Variants in PSTPIP1 observed in about 807,000 individuals in gnomAD.
PSTPIP1 encodes the protein proline-serine-threonine phosphatase-interacting protein 1.
In PSTPIP1, 66 loss-of-function variants were observed where a neutral mutation model predicts 69.6. The observed-to-expected ratio is 0.95, with a 90% CI of 0.78 to 1.16. The LOEUF is 1.16. Among genes scored for constraint, PSTPIP1 ranks in the 50% most tolerant of loss-of-function variants. The probability of loss-of-function intolerance (pLI) is 0.00; values close to 1 mark genes in which losing one functional copy is unlikely to be tolerated. For synonymous variants in PSTPIP1, 266 were observed against 222.7 expected (o/e 1.19, Z -1.73); for missense variants, 603 against 557.4 (o/e 1.08, Z -0.82).
Position 76,995,280 on chromosome 15 carries a change from AG to A in PSTPIP1, c.-291del. On this transcript the variant is annotated 5_prime_UTR_variant, in exon 1 of 15. Coordinates refer to ENST00000558012, the MANE Select transcript of PSTPIP1 (RefSeq NM_003978.5). Reference sequence around the variant, plus strand: ...CCCAGACTGTGTCCTCCATCACCGCAGGGTCGGTGAGGGGCTGGGCTGGACA... The same window carrying A: ...CCCAGACTGTGTCCTCCATCACCGCAGGTCGGTGAGGGGCTGGGCTGGACA... 1 of 1,327,750 alleles carries A rather than the reference AG, an allele frequency of 7.5e-7. No homozygotes were observed. The highest frequency in any genetic ancestry group is 1.6e-5 in the South Asian group (1 of 62,358). The allele number at this position is 1,327,750 out of a possible 1,614,324, so 82.2% of individuals were successfully genotyped here.
chr15:77,010,218 A>G (rs1268085027), intron 1 of PSTPIP1, among the ~76,000 whole-genome samples: 1 of 152,164 alleles, frequency 6.6e-6, no homozygotes, highest in Non-Finnish European at 1.5e-5. Context: ...GGCGGTACAG[A>G]GCTGTGTAAC....
At chr15:76,999,665 C>T (rs1051724282) in intron 1 of PSTPIP1, 1 of 152,220 alleles carries the variant, frequency 6.6e-6, no homozygotes, top group Non-Finnish European at 1.5e-5. Flanking sequence ...TGAGCTTCTT[C>T]ACCCTGCAAC....
At chr15:77,035,617 A>T (rs1173671266) in intron 13 of PSTPIP1, 54 bp downstream of exon 13, 11 of 1,531,690 alleles carry the variant, frequency 7.2e-6, no homozygotes, top group Non-Finnish European at 7.9e-6. Context: ...GGGGGAGGAG[A>T]GGTCTCCCAC....
chr15:77,017,537 G>A (rs1289250117), intron 1 of PSTPIP1, among the ~76,000 whole-genome samples: 1 of 152,276 alleles, frequency 6.6e-6, no homozygotes, highest in African/African-American at 2.4e-5. Flanking sequence ...GTGAGGGGGG[G>A]TTTCCTGAGC....
chr15:77,033,110 G>A (rs2076463041), intron 12 of PSTPIP1, among the ~76,000 whole-genome samples, 158 bp downstream of exon 12: 1 of 152,204 alleles, frequency 6.6e-6, no homozygotes, highest in African/African-American at 2.4e-5. Flanking sequence ...AGACAAGATA[G>A]GCTCAGTTCA....
At chr15:76,997,574 G>GAT (rs766458487) in intron 1 of PSTPIP1, among the ~76,000 whole-genome samples, 2 of 152,254 alleles carry the variant, frequency 1.3e-5, no homozygotes, top group Non-Finnish European at 2.9e-5. Flanking sequence ...GAGGCACGGA[G>GAT]ATATTAAGAG....
At chr15:76,998,833 T>C (rs2075636866) in intron 1 of PSTPIP1, among the ~76,000 whole-genome samples, 1 of 152,156 alleles carries the variant, frequency 6.6e-6, no homozygotes, top group African/African-American at 2.4e-5. Context: ...CAGCCGAGTG[T>C]TCAGATGCAC....
In PSTPIP1 at chr15:77,035,873, A is replaced by G; in HGVS notation, c.1057A>G (p.Ile353Val). The G allele has an allele frequency of 6.2e-7, 1 of 1,610,550 alleles. No homozygotes were observed. Among genetic ancestry groups the G allele is most frequent in the Non-Finnish European group, 8.5e-7 (1 of 1,179,602 alleles). Residue 353 changes from isoleucine (I) to valine (V), a missense_variant, in exon 14 of 15, where the codon ATA becomes GTA. Transcript: ENST00000558012. ...CTACACAGCCATCGCAGTGCAGGAG[A>G]TACAGGGAAACCCGGCCTCACCAGC... is the stretch of plus-strand genomic sequence containing the variant. ...GVYTAIAVQEIQGNPASPAQE... is the reference protein window; with the variant it reads ...GVYTAIAVQEVQGNPASPAQE...
chr15:77,033,052 C>A, intron 12 of PSTPIP1, 100 bp downstream of exon 12: 1 of 1,193,776 alleles, frequency 8.4e-7, no homozygotes. Flanking sequence ...TGAGCACCTA[C>A]TATGTGTCTG....
intron 5 of PSTPIP1, 117 bp downstream of exon 5, chr15:77,025,721 T>G (rs571065383): frequency 3.8e-4 from 186 of 491,772 alleles, no homozygotes; most frequent in East Asian, 9.2e-4. Flanking sequence ...GGGGTGGTGG[T>G]GGGACAGCAC....
chr15:77,035,867 C>T lies in PSTPIP1; in HGVS notation c.1051C>T (p.Gln351Ter), dbSNP rs2076555754. 1.2e-6 allele frequency: 2 copies of T among 1,610,774 alleles called. No homozygotes were observed. Among genetic ancestry groups the T allele is most frequent in the Non-Finnish European group, 8.5e-7 (1 of 1,179,648 alleles). Residue 351 changes from glutamine (Q) to a stop codon, truncating the protein, a stop_gained, in exon 14 of 15, where the codon CAG (glutamine) becomes TAG (stop). Transcript: ENST00000558012. LOFTEE classifies it high-confidence loss of function. Reference protein sequence around the residue: ...NEGVYTAIAVQEIQGNPASPA... With the variant: ...NEGVYTAIAV ...GGGTGTCTACACAGCCATCGCAGTG[C>T]AGGAGATACAGGGAAACCCGGCCTC...
chr15:76,995,137 C>G lies in PSTPIP1; in HGVS notation c.-437C>G. 8.8e-7 allele frequency: 1 copy of G among 1,137,086 alleles called. No individual in the cohort carries two copies. The highest frequency in any genetic ancestry group is 1.1e-6 in the Non-Finnish European group (1 of 907,938). 70.4% of individuals were successfully genotyped at this position (1,137,086 alleles called of 1,614,324 possible). On this transcript the variant is annotated 5_prime_UTR_variant, in exon 1 of 15. Transcript: ENST00000558012. ...GGGGGAGGTTGCACAAACCTTCCTG[C>G]GCAGGCCTCGGGCTGCCTGCCTGCC...
intron 3 of PSTPIP1, among the ~76,000 whole-genome samples, chr15:77,019,028 T>C (rs968892227): frequency 2.3e-4 from 35 of 152,026 alleles, no homozygotes. Context: ...TCCTCATCAG[T>C]GATGGGAAAG....
intron 1 of PSTPIP1, among the ~76,000 whole-genome samples, chr15:77,016,559 C>T (rs762526521): frequency 1.3e-5 from 2 of 152,168 alleles, no homozygotes; most frequent in South Asian, 4.1e-4. Context: ...CTGCTTGTTG[C>T]TCTGTGGACA....
intron 13 of PSTPIP1, 68 bp from the exon 14 acceptor site, chr15:77,035,734 T>C (rs1174774558): frequency 5.2e-6 from 8 of 1,532,400 alleles, no homozygotes; most frequent in Non-Finnish European, 8.7e-7. Context: ...AGAAACCCCA[T>C]TCTAGTAGGA....
chr15:77,031,305 G>T (rs780766539), intron 10 of PSTPIP1, 27 bp downstream of exon 10: 27 of 1,605,652 alleles, frequency 1.7e-5, no homozygotes, highest in South Asian at 9.9e-5. Context: ...TTGGTGTGGG[G>T]TAAGGTAGGG....
At chr15:77,004,474 G>C (rs2075774842) in intron 1 of PSTPIP1, among the ~76,000 whole-genome samples, 1 of 152,200 alleles carries the variant, frequency 6.6e-6, no homozygotes, top group Non-Finnish European at 1.5e-5. Context: ...TGGGGAGGAA[G>C]TCAGGGGGTG....
At chr15:77,008,490 A>C (rs978655051) in intron 1 of PSTPIP1, among the ~76,000 whole-genome samples, 1 of 151,878 alleles carries the variant, frequency 6.6e-6, no homozygotes, top group African/African-American at 2.4e-5. Context: ...GCTCACTGCA[A>C]CCTCCGTCTC....
chr15:77,013,468 C>T (rs2075986685), intron 1 of PSTPIP1, among the ~76,000 whole-genome samples: 8 of 152,154 alleles, frequency 5.3e-5, no homozygotes, highest in Admixed American at 3.9e-4. Flanking sequence ...TGCCCTGGTA[C>T]TGTTGTAACT....
Sources: gnomAD v4.1 joint callset for allele counts (sites outside exome capture counted in the v4.1 genomes callset) on GRCh38, gnomAD v4.1.1 for gene constraint, MANE v1.5 for transcripts, NCBI Gene and HGNC (gene_info 2026-07-23, HGNC 2026-07-21) for gene names.